The following SGCZ variants were observed in gnomAD, a reference collection of about 807,000 sequenced individuals.
SGCZ encodes sarcoglycan zeta, also known as zeta-sarcoglycan.
SGCZ carries 40 observed loss-of-function variants against 41.3 expected under a neutral mutation model. The observed-to-expected ratio is 0.97, with a 90% CI of 0.75 to 1.26. The LOEUF is 1.26. Ranked by LOEUF, SGCZ falls within the 50% of genes most tolerant of loss-of-function variation. The pLI is 0.00. For synonymous variants in SGCZ, 206 were observed against 137.5 expected (o/e 1.50, Z -3.49); for missense variants, 552 against 369.8 (o/e 1.49, Z -4.04).
intron 1 of SGCZ, among the ~76,000 whole-genome samples, chr8:15,198,536 T>C (rs959375223): frequency 6.6e-6 from 1 of 152,174 alleles, no homozygotes; most frequent in Admixed American, 6.5e-5. Context: ...TCTTGTGAAA[T>C]GGATTTGCTA....
intron 4 of SGCZ, among the ~76,000 whole-genome samples, chr8:14,206,397 A>G (rs1290463523): frequency 2.0e-5 from 3 of 152,206 alleles, no homozygotes; most frequent in Non-Finnish European, 4.4e-5. Context: ...CATAAATCAT[A>G]ATAAATAAGC....
In SGCZ at chr8:14,128,607, A is replaced by G. The variant is rs369973667; in HGVS notation, c.548-20372T>C. ...CAAAAATACTTGTAACTACATGTTT[A>G]CTGCAGCACTATTCACAATATCAAA... On this transcript the variant is annotated intron_variant, in intron 5 of 7. Coordinates refer to ENST00000382080, the MANE Select transcript of SGCZ (RefSeq NM_139167.4). 4.6e-5 allele frequency among the ~76,000 whole-genome samples: 7 copies of G among 152,314 alleles called. No individual in the cohort carries two copies. In the East Asian group the frequency reaches 9.6e-4, roughly 21 times the overall value.
intron 1 of SGCZ, among the ~76,000 whole-genome samples, chr8:15,141,731 G>C (rs1011241519): frequency 2.0e-5 from 3 of 152,082 alleles, no homozygotes; most frequent in Non-Finnish European, 4.4e-5. Context: ...GTGAAACCCC[G>C]TCTCTACCAA....
rs1238075032 is a variant in SGCZ at position 15,012,467 on chromosome 8, A to C, written c.39+225118T>G. ...GACACAGTAAGACTTTTTCTAAAAA[A>C]TAAATATAAATATATATATATATAA... On this transcript the variant is annotated intron_variant, in intron 1 of 7. Transcript: ENST00000382080. 2.1e-5 allele frequency among the ~76,000 whole-genome samples: 3 copies of C among 145,174 alleles called. No homozygotes were observed. The East Asian group carries it at 5.9e-4, about 29-fold the overall frequency.
At chr8:14,559,700 G>A (rs1389649751) in intron 1 of SGCZ, among the ~76,000 whole-genome samples, 1 of 151,740 alleles carries the variant, frequency 6.6e-6, no homozygotes, top group South Asian at 2.1e-4. Context: ...TTTTACCATT[G>A]AGGCATGTTA....
chr8:14,322,943 T>A (rs561464610), intron 3 of SGCZ, among the ~76,000 whole-genome samples: 2 of 152,230 alleles, frequency 1.3e-5, no homozygotes, highest in African/African-American at 4.8e-5. Context: ...AACTAAACTT[T>A]TCATTTTAAA....
At chr8:14,834,211 T>A (rs928630303) in intron 1 of SGCZ, among the ~76,000 whole-genome samples, 1 of 152,204 alleles carries the variant, frequency 6.6e-6, no homozygotes, top group Non-Finnish European at 1.5e-5. Context: ...AAGAAATTCC[T>A]GATGCTGATA....
At chr8:14,254,756 T>C (rs1176027765) in intron 3 of SGCZ, among the ~76,000 whole-genome samples, 1 of 152,190 alleles carries the variant, frequency 6.6e-6, no homozygotes, top group African/African-American at 2.4e-5. Flanking sequence ...GTCTTTTTTT[T>C]TCTGGAGGAG....
rs1320935946 is a variant in SGCZ at position 14,514,799 on chromosome 8, GTGTGTGTGTGTGTGTA to G, written c.234+39917_234+39932del. On this transcript the variant is annotated intron_variant, in intron 2 of 7. Transcript: ENST00000382080. Reference sequence around the variant, plus strand: ...TATATGTAAATGTGTGTGTGTGTGTGTGTGTGTGTGTGTGTATATATACACGCACACACACACACAC... The same window carrying G: ...TATATGTAAATGTGTGTGTGTGTGTGTATATACACGCACACACACACACAC... 4.9e-4 allele frequency among the ~76,000 whole-genome samples: 43 copies of G among 88,046 alleles called. No individual in the cohort carries two copies. In the South Asian group the frequency reaches 6.4e-3, roughly 13 times the overall value. The allele number at this position is 88,046 out of a possible 152,430, so 57.8% of individuals were successfully genotyped here. A position where few individuals can be genotyped will look rare whatever the true frequency, so the allele number is the denominator to read the frequency against.
At chr8:14,745,287 AG>A (rs1240372467) in intron 1 of SGCZ, among the ~76,000 whole-genome samples, 2 of 152,272 alleles carry the variant, frequency 1.3e-5, no homozygotes, top group East Asian at 3.9e-4. Flanking sequence ...GATATGTCCA[AG>A]GTGCCAAATG....
intron 1 of SGCZ, among the ~76,000 whole-genome samples, chr8:15,218,491 C>G (rs949115135): frequency 6.6e-6 from 1 of 152,146 alleles, no homozygotes; most frequent in African/African-American, 2.4e-5. Flanking sequence ...CTTTGGAGAG[C>G]TTTTGATATT....
chr8:14,173,755 G>T (rs1444764661), intron 4 of SGCZ, among the ~76,000 whole-genome samples: 1 of 126,978 alleles, frequency 7.9e-6, no homozygotes, highest in African/African-American at 2.4e-5. Flanking sequence ...GAGATGTACA[G>T]GAAACAGAGC....
At chr8:15,105,056 T>TA (rs1806771217) in intron 1 of SGCZ, among the ~76,000 whole-genome samples, 3 of 152,210 alleles carry the variant, frequency 2.0e-5, no homozygotes, top group Non-Finnish European at 2.9e-5. Context: ...GTTGTCATTT[T>TA]AAAAAATGTT....
intron 1 of SGCZ, among the ~76,000 whole-genome samples, chr8:14,899,717 G>A (rs1208739949): frequency 6.6e-6 from 1 of 151,964 alleles, no homozygotes; most frequent in East Asian, 1.9e-4. Context: ...GGAGAGAGGA[G>A]GGTAGAAGAA....
chr8:14,838,230 A>C (rs1214854330), intron 1 of SGCZ, among the ~76,000 whole-genome samples: 1 of 152,134 alleles, frequency 6.6e-6, no homozygotes, highest in Admixed American at 6.6e-5. Flanking sequence ...GATAGAATGA[A>C]TAGGGGCTAG....
At chr8:14,988,264 A>T (rs1170338498) in intron 1 of SGCZ, among the ~76,000 whole-genome samples, 1 of 55,534 alleles carries the variant, frequency 1.8e-5, no homozygotes, top group Admixed American at 1.8e-4. Context: ...TCCATCTTCT[A>T]AAAAAACTCT....
chr8:14,859,951 G>T (rs1803663179), intron 1 of SGCZ, among the ~76,000 whole-genome samples: 1 of 152,142 alleles, frequency 6.6e-6, no homozygotes, highest in Admixed American at 6.5e-5. Flanking sequence ...CAGATGTCTT[G>T]AATGACTCTA....
chr8:15,129,448 T>C (rs189574679), intron 1 of SGCZ, among the ~76,000 whole-genome samples: 6 of 152,146 alleles, frequency 3.9e-5, no homozygotes, highest in Admixed American at 3.9e-4. Context: ...CCAAACTGTT[T>C]AACTAAAATT....
At chr8:15,148,012 G>C (rs73205478) in intron 1 of SGCZ, among the ~76,000 whole-genome samples, 3,086 of 152,174 alleles carry the variant, frequency 0.02, 52 homozygotes, top group Admixed American at 0.042. Flanking sequence ...TGGTCCTGTG[G>C]TCCAAATTTA....
Sources: allele counts gnomAD v4.1 joint callset (sites outside exome capture counted in the v4.1 genomes callset), GRCh38; gene constraint gnomAD v4.1.1; transcripts MANE v1.5; gene names NCBI Gene and HGNC (gene_info 2026-07-23, HGNC 2026-07-21).